GRHL2: variants seen among roughly 807,000 people sequenced by gnomAD.
The protein encoded by GRHL2 is grainyhead like transcription factor 2, also known as grainyhead-like protein 2 homolog.
GRHL2 carries 21 observed loss-of-function variants against 83.8 expected under a neutral mutation model. The ratio of observed to expected loss-of-function variants is 0.25; its 90% CI spans 0.18 to 0.36. GRHL2 has a LOEUF of 0.36. Among genes scored for constraint, GRHL2 ranks in the 10% least tolerant of loss-of-function variants. GRHL2 has a pLI of 1.00. For missense variants in GRHL2, 623 were observed against 781.8 expected, an observed-to-expected ratio of 0.80 and a Z score of 2.42; for synonymous variants, 280 against 278.9, an observed-to-expected ratio of 1.00 and a Z score of -0.04.
intron 1 of GRHL2, among the ~76,000 whole-genome samples, chr8:101,526,354 T>G (rs970904597): frequency 6.6e-6 from 1 of 152,194 alleles, no homozygotes; most frequent in Non-Finnish European, 1.5e-5. Flanking sequence ...TATAACATCA[T>G]GCATTGGCAT....
At chr8:101,619,886 T>A (rs552816643) in intron 9 of GRHL2, among the ~76,000 whole-genome samples, 189 bp downstream of exon 9, 1 of 151,052 alleles carries the variant, frequency 6.6e-6, no homozygotes, top group Admixed American at 6.6e-5. Flanking sequence ...GTCAACTATT[T>A]TTTTTTTTTT....
intron 15 of GRHL2, 102 bp from the exon 16 acceptor site, chr8:101,666,487 C>T: frequency 1.4e-6 from 1 of 738,404 alleles, no homozygotes; most frequent in Non-Finnish European, 2.5e-6. Flanking sequence ...GCCTCCACCA[C>T]AAAAGAATGG....
intron 1 of GRHL2, among the ~76,000 whole-genome samples, chr8:101,503,140 T>C (rs1563553242): frequency 6.6e-6 from 1 of 152,214 alleles, no homozygotes; most frequent in Non-Finnish European, 1.5e-5. Flanking sequence ...CTGAAGTCAA[T>C]TGCCCCTGAA....
chr8:101,652,534 T>TGTGTGTGTGGTGTTTGTGTGTGGG (rs1563627488), intron 14 of GRHL2, among the ~76,000 whole-genome samples: 1 of 78,152 alleles, frequency 1.3e-5, no homozygotes, highest in Non-Finnish European at 2.3e-5. Flanking sequence ...GTGTGTGTGG[T>TGTGTGTGTGGTGTTTGTGTGTGGG]GTGTGTGTGT....
At chr8:101,525,522 C>A (rs2130062820) in intron 1 of GRHL2, among the ~76,000 whole-genome samples, 1 of 151,744 alleles carries the variant, frequency 6.6e-6, no homozygotes, top group African/African-American at 2.4e-5. Flanking sequence ...TGCTTTTTAA[C>A]CTTTTTTTTT....
At chr8:101,546,991 T>C (rs1324392730) in intron 2 of GRHL2, among the ~76,000 whole-genome samples, 1 of 152,250 alleles carries the variant, frequency 6.6e-6, no homozygotes, top group African/African-American at 2.4e-5. Context: ...TAGAGTTACA[T>C]AGCTTCTTTT....
At chr8:101,532,811 T>TTGTG (rs566590699) in intron 1 of GRHL2, among the ~76,000 whole-genome samples, 2 of 149,268 alleles carry the variant, frequency 1.3e-5, no homozygotes, top group African/African-American at 4.9e-5. Flanking sequence ...AAGGCTATGC[T>TTGTG]TGTGTGTGTG....
intron 1 of GRHL2, chr8:101,542,844 C>T (rs989547779): frequency 1.1e-5 from 5 of 457,210 alleles, no homozygotes; most frequent in African/African-American, 1.0e-4. Context: ...GAAGCTATTT[C>T]AGTCACAATG....
chr8:101,551,933 T>G (rs1346561397), intron 2 of GRHL2, among the ~76,000 whole-genome samples: 2 of 151,572 alleles, frequency 1.3e-5, no homozygotes, highest in Non-Finnish European at 2.9e-5. Flanking sequence ...CCTCCCAGGT[T>G]CACGCCATTC....
Position 101,547,606 on chromosome 8 carries a change from T to C in GRHL2, c.216+4170T>C, listed in dbSNP as rs529617329. 3.9e-5 allele frequency among the ~76,000 whole-genome samples: 6 copies of C among 152,384 alleles called. No homozygotes were observed. The South Asian group carries it at 1.2e-3, about 32-fold the overall frequency. On this transcript the variant is annotated intron_variant, in intron 2 of 15. Transcript: ENST00000646743. Reference sequence around the variant, plus strand: ...CATTGCAGTGAAGTCCATCAGGTTTTACATTTTATAGTTCATGCAACTCAG... The same window carrying C: ...CATTGCAGTGAAGTCCATCAGGTTTCACATTTTATAGTTCATGCAACTCAG...
chr8:101,620,469 G>A (rs1444870766), intron 9 of GRHL2, among the ~76,000 whole-genome samples: 1 of 152,144 alleles, frequency 6.6e-6, no homozygotes, highest in Non-Finnish European at 1.5e-5. Flanking sequence ...TTTTGGAATG[G>A]AAATAGCACT....
At chr8:101,504,105 G>A (rs748284815) in intron 1 of GRHL2, among the ~76,000 whole-genome samples, 6 of 152,078 alleles carry the variant, frequency 3.9e-5, no homozygotes, top group Admixed American at 1.3e-4. Flanking sequence ...TAAATAAAAC[G>A]GAAAAGCCTA....
intron 4 of GRHL2, among the ~76,000 whole-genome samples, chr8:101,568,032 A>G (rs1489574211): frequency 6.6e-6 from 1 of 152,212 alleles, no homozygotes; most frequent in Admixed American, 6.5e-5. Context: ...TCCTGACCAT[A>G]TTAAATGTAA....
intron 1 of GRHL2, among the ~76,000 whole-genome samples, chr8:101,496,147 CAAA>C (rs34918770): frequency 2.7e-5 from 3 of 113,142 alleles, no homozygotes; most frequent in Admixed American, 9.9e-5. Context: ...GACTCCATCT[CAAA>C]AAAAAAAAAA....
chr8:101,606,738 C>T (rs78184538), intron 8 of GRHL2, among the ~76,000 whole-genome samples: 2,164 of 152,254 alleles, frequency 0.014, 44 homozygotes, highest in African/African-American at 0.05. Context: ...AAACCCAGCT[C>T]TCTTCCTTCT....
intron 5 of GRHL2, among the ~76,000 whole-genome samples, chr8:101,571,277 T>G (rs1284135371): frequency 2.6e-5 from 4 of 152,134 alleles, no homozygotes; most frequent in African/African-American, 9.7e-5. Context: ...TAGCAGGTGT[T>G]TTCTAAGGAA....
rs182938164 is a variant in GRHL2 at position 101,595,046 on chromosome 8, C to T, written c.1004-4011C>T. ...ATAATCGTCTTGTTCATTTATTTAT[C>T]TATATACTTATTTATATTCTGTCTC... is the stretch of plus-strand genomic sequence containing the variant. On this transcript the variant is annotated intron_variant, in intron 7 of 15. Transcript: ENST00000646743. Among the ~76,000 whole-genome samples the T allele has an allele frequency of 2.9e-3, 436 of 152,254 alleles. 4 individuals carry two copies. Among genetic ancestry groups the T allele is most frequent in the African/African-American group, 0.01 (419 of 41,550 alleles).
intron 14 of GRHL2, among the ~76,000 whole-genome samples, chr8:101,650,448 G>C (rs1388035395): frequency 6.6e-6 from 1 of 151,932 alleles, no homozygotes; most frequent in Non-Finnish European, 1.5e-5. Context: ...CTACCTTTTG[G>C]CTATTGTGAA....
intron 7 of GRHL2, among the ~76,000 whole-genome samples, chr8:101,586,065 C>CTTTTTTTTTTTTTTGTTTT (rs1812158844): frequency 1.1e-5 from 1 of 94,382 alleles, no homozygotes; most frequent in African/African-American, 4.3e-5. Context: ...CCTCATGTTT[C>CTTTTTTTTTTTTTTGTTTT]TTTTTTTTTT....
Sources: gnomAD v4.1 joint callset for allele counts (sites outside exome capture counted in the v4.1 genomes callset) on GRCh38, gnomAD v4.1.1 for gene constraint, MANE v1.5 for transcripts, NCBI Gene and HGNC (gene_info 2026-07-23, HGNC 2026-07-21) for gene names.